The following CDC73 variants were observed in gnomAD, a reference collection of about 807,000 sequenced individuals.
CDC73 encodes the protein cell division cycle 73.
Under a neutral mutation model 83.7 loss-of-function variants are expected in CDC73, and 21 were observed. That is an observed-to-expected ratio of 0.25 (90% confidence interval 0.18 to 0.36). The LOEUF is 0.36. Ranked by LOEUF, CDC73 falls within the 10% of genes least tolerant of loss-of-function variation. CDC73 has a pLI of 1.00. For missense variants in CDC73, 342 were observed against 653.3 expected (o/e 0.52, Z 5.19); for synonymous variants, 224 against 212.9 (o/e 1.05, Z -0.45).
chr1:193,216,925 A>G (rs780905256), intron 13 of CDC73, among the ~76,000 whole-genome samples: 1 of 152,172 alleles, frequency 6.6e-6, no homozygotes, highest in Non-Finnish European at 1.5e-5. Context: ...ACTACCCATC[A>G]AAGGAACATA....
rs534677734 is a variant in CDC73 at position 193,252,832 on chromosome 1, A to T, written c.*2120A>T. 4.3e-6 allele frequency: 1 copy of T among 232,006 alleles called. No homozygotes were observed. The highest frequency in any genetic ancestry group is 5.6e-5 in the Admixed American group (1 of 17,756). 14.4% of individuals were successfully genotyped at this position (232,006 alleles called of 1,614,324 possible). On this transcript the variant is annotated 3_prime_UTR_variant, in exon 17 of 17. Coordinates refer to ENST00000367435, the MANE Select transcript of CDC73 (RefSeq NM_024529.5). The stretch of plus-strand genomic sequence containing the variant: ...AGCAGTACTTAACACAGTGCCTTGC[A>T]CATAGTAGGCATTCAGTAAATACTT...
intron 10 of CDC73, chr1:193,181,747 C>T: frequency 1.8e-6 from 1 of 551,510 alleles, no homozygotes; most frequent in East Asian, 3.0e-5. Flanking sequence ...CTAATATGAT[C>T]AGGGCAAATA....
chr1:193,203,961 A>C, intron 11 of CDC73, 109 bp downstream of exon 11: 1 of 858,824 alleles, frequency 1.2e-6, no homozygotes, highest in Middle Eastern at 2.2e-4. Context: ...CTTAAAATAC[A>C]TTGCAAAGTC....
intron 11 of CDC73, among the ~76,000 whole-genome samples, chr1:193,211,058 T>C (rs1419948016): frequency 2.0e-5 from 3 of 152,186 alleles, no homozygotes; most frequent in African/African-American, 7.2e-5. Flanking sequence ...TGTCTCGCTC[T>C]TCTCTTTTTT....
intron 13 of CDC73, among the ~76,000 whole-genome samples, chr1:193,213,228 A>G (rs2102039273): frequency 6.6e-6 from 1 of 152,342 alleles, no homozygotes; most frequent in East Asian, 1.9e-4. Context: ...TACAGAAGAA[A>G]GATGGCAATA....
Position 193,122,196 on chromosome 1 carries a change from G to T in CDC73, c.-5G>T. On this transcript the variant is annotated 5_prime_UTR_variant, in exon 1 of 17. Transcript: ENST00000367435. Reference sequence around the variant, plus strand: ...CCCGAGCCGGCGGAGGCGAGGGGGGGGAAGATGGCGGACGTGCTTAGCGTC... The same window carrying T: ...CCCGAGCCGGCGGAGGCGAGGGGGGTGAAGATGGCGGACGTGCTTAGCGTC... The T allele has an allele frequency of 3.1e-6, 5 of 1,613,294 alleles. No individual in the cohort carries two copies. The highest frequency in any genetic ancestry group is 1.3e-5 in the African/African-American group (1 of 75,030).
intron 15 of CDC73, among the ~76,000 whole-genome samples, chr1:193,246,317 TTC>T (rs1261108161): frequency 6.6e-6 from 1 of 152,148 alleles, no homozygotes; most frequent in African/African-American, 2.4e-5. Context: ...AGTTTCATTC[TTC>T]TGTATATAGA....
chr1:193,147,373 CT>C (rs945525186), intron 7 of CDC73, among the ~76,000 whole-genome samples: 153 of 137,226 alleles, frequency 1.1e-3, no homozygotes, highest in Middle Eastern at 3.8e-3. Flanking sequence ...TTTTTTTTTT[CT>C]TTTTTTTTTT....
chr1:193,225,916 T>C (rs1035975424), intron 13 of CDC73, among the ~76,000 whole-genome samples: 1 of 152,148 alleles, frequency 6.6e-6, no homozygotes, highest in Non-Finnish European at 1.5e-5. Context: ...TAATTAGGTC[T>C]CAGCCATTTA....
At chr1:193,123,670 A>T (rs1234827743) in intron 1 of CDC73, among the ~76,000 whole-genome samples, 3 of 147,690 alleles carry the variant, frequency 2.0e-5, no homozygotes, top group East Asian at 2.0e-4. Context: ...TTTTTAGTGA[A>T]TTTTTTTTTT....
chr1:193,147,150 G>A (rs905425101), intron 7 of CDC73, among the ~76,000 whole-genome samples: 7 of 151,854 alleles, frequency 4.6e-5, no homozygotes, highest in South Asian at 2.1e-4. Flanking sequence ...CCACCACCAC[G>A]CCCAGCTAAT....
intron 15 of CDC73, among the ~76,000 whole-genome samples, chr1:193,238,987 C>A (rs953787031): frequency 1.3e-5 from 2 of 152,146 alleles, no homozygotes; most frequent in Non-Finnish European, 1.5e-5. Context: ...ATGGTTATGT[C>A]CCTATTTCTC....
intron 1 of CDC73, among the ~76,000 whole-genome samples, chr1:193,124,195 T>G (rs1003483592): frequency 6.6e-6 from 1 of 152,256 alleles, no homozygotes; most frequent in Non-Finnish European, 1.5e-5. Context: ...GAAATTGTTT[T>G]TATTTTCTAT....
chr1:193,153,958 G>T (rs1366264888), intron 10 of CDC73, among the ~76,000 whole-genome samples: 2 of 152,184 alleles, frequency 1.3e-5, no homozygotes, highest in South Asian at 2.1e-4. Flanking sequence ...CAGCAAGGAG[G>T]CCAGTGTTGC....
chr1:193,240,594 C>G (rs1677840314), intron 15 of CDC73, among the ~76,000 whole-genome samples: 1 of 152,100 alleles, frequency 6.6e-6, no homozygotes, highest in Non-Finnish European at 1.5e-5. Flanking sequence ...TCTGCACTTC[C>G]CTGATGGTTA....
chr1:193,188,346 C>A (rs887390616), intron 10 of CDC73, among the ~76,000 whole-genome samples: 2 of 152,110 alleles, frequency 1.3e-5, no homozygotes, highest in East Asian at 1.9e-4. Context: ...AAATTCTTAT[C>A]CTCTGTGTTT....
intron 13 of CDC73, among the ~76,000 whole-genome samples, chr1:193,220,528 T>A (rs1271370313): frequency 6.6e-6 from 1 of 152,152 alleles, no homozygotes; most frequent in African/African-American, 2.4e-5. Context: ...GAGAAGCCAA[T>A]TTGCAATATA....
At chr1:193,169,343 G>C (rs929152508) in intron 10 of CDC73, among the ~76,000 whole-genome samples, 1 of 152,126 alleles carries the variant, frequency 6.6e-6, no homozygotes, top group Non-Finnish European at 1.5e-5. Flanking sequence ...CCAGGAGTTC[G>C]AGACCAGCCT....
In CDC73 at chr1:193,174,179, A is replaced by G. The variant is rs533464716; in HGVS notation, c.972+21735A>G. 6.6e-5 allele frequency among the ~76,000 whole-genome samples: 10 copies of G among 152,230 alleles called. No homozygotes were observed. The South Asian group carries it at 1.9e-3, about 28-fold the overall frequency. On this transcript the variant is annotated intron_variant, in intron 10 of 16. Coordinates refer to ENST00000367435, the MANE Select transcript of CDC73 (RefSeq NM_024529.5). ...GTGGCTTTTTCTAAGTTTTTCAACA[A>G]CTTGACAAGTTCTTTACCTCTTAGC...
Sources: gnomAD v4.1 joint callset for allele counts (sites outside exome capture counted in the v4.1 genomes callset) on GRCh38, gnomAD v4.1.1 for gene constraint, MANE v1.5 for transcripts, NCBI Gene and HGNC (gene_info 2026-07-23, HGNC 2026-07-21) for gene names.